Variants in FBN3 observed in about 807,000 individuals in gnomAD.
FBN3 encodes the protein fibrillin-3.
In FBN3, 234 loss-of-function variants were observed where a neutral mutation model predicts 330.1. The ratio of observed to expected loss-of-function variants is 0.71; its 90% CI spans 0.64 to 0.79. The LOEUF is 0.79. Ranked by LOEUF, FBN3 falls within the 30% of genes least tolerant of loss-of-function variation. The pLI, the probability that FBN3 is intolerant of heterozygous loss-of-function variation, is 0.00. For synonymous variants in FBN3, 1,458 were observed against 1,517.3 expected (o/e 0.96, Z 0.91); for missense variants, 3,606 against 3,886.9 (o/e 0.93, Z 1.92).
chr19:8,109,280 G>A lies in FBN3; in HGVS notation c.4565C>T (p.Ser1522Phe). 6.2e-7 allele frequency: 1 copy of A among 1,614,190 alleles called. No homozygotes were observed. Among genetic ancestry groups the A allele is most frequent in the Non-Finnish European group, 8.5e-7 (1 of 1,180,032 alleles). ...VGVTRASCCC[S>F]LGRAWGNPCE... ...GGGATTGCCCCAAGCCCGGCCCAGG[G>A]AGCAACAGCAGGAAGCTCGGGTGAC... is the stretch of plus-strand genomic sequence containing the variant. Residue 1522 changes from serine (S) to phenylalanine (F), a missense_variant, in exon 36 of 64, where the codon TCC becomes TTC. Physicochemically the swap from Ser to Phe is radical, Grantham distance 155. Coordinates refer to ENST00000600128, the MANE Select transcript of FBN3 (RefSeq NM_032447.5). This position sits in a 1 kb window ranked among gnomAD's most constrained non-coding sequence, Gnocchi z 5.2.
At chr19:8,120,708 C>T (rs1266266274) in intron 25 of FBN3, among the ~76,000 whole-genome samples, 1 of 152,140 alleles carries the variant, frequency 6.6e-6, no homozygotes, top group Non-Finnish European at 1.5e-5. Flanking sequence ...AACTCCTGGA[C>T]TCAAGCAATC....
chr19:8,130,621 A>G (rs367992620), intron 16 of FBN3, among the ~76,000 whole-genome samples: 177 of 12,644 alleles, frequency 0.014, 14 homozygotes, highest in Middle Eastern at 0.05. Flanking sequence ...AGAAAGAAAG[A>G]AAGAAAGAAA....
intron 63 of FBN3, among the ~76,000 whole-genome samples, chr19:8,068,701 C>CAAATAAATAAATAAATAAATAAAT (rs1555721997): frequency 6.3e-5 from 8 of 127,954 alleles, no homozygotes; most frequent in African/African-American, 2.2e-4. Flanking sequence ...GACCTTGTCT[C>CAAATAAATAAATAAATAAATAAAT]AAATAAATAA....
chr19:8,133,029 A>G lies in FBN3; in HGVS notation c.1669T>C (p.Cys557Arg). 6.3e-7 allele frequency: 1 copy of G among 1,584,486 alleles called. No individual in the cohort carries two copies. ...LNEDGSFSCL[C>R]KPGFLLAPGG... is the part of the protein sequence containing the mutation. ...GGCGCCAGCAGGAAGCCGGGTTTGC[A>G]GAGGCAGGAGAAGCTGCCATCCTCG... is the stretch of plus-strand genomic sequence containing the variant. The change falls in exon 14 of 64, where the codon TGC (cysteine) becomes CGC (arginine). Residue 557 changes from cysteine (C) to arginine (R), a missense_variant. Transcript: ENST00000600128.
At chr19:8,092,629 C>T (rs1022728498) in intron 47 of FBN3, among the ~76,000 whole-genome samples, 5 of 135,658 alleles carry the variant, frequency 3.7e-5, no homozygotes, top group East Asian at 2.4e-4. Flanking sequence ...GCAGGAGAAT[C>T]GCTTGAACCC....
chr19:8,126,284 G>A lies in FBN3; in HGVS notation c.2605+13C>T. 2 of 1,583,942 alleles carry A rather than the reference G, an allele frequency of 1.3e-6. No individual in the cohort carries two copies. The highest frequency in any genetic ancestry group is 1.7e-6 in the Non-Finnish European group (2 of 1,166,880). ...TGGAGTAGGGGGTGAGCTGGACACGGGCAGGCAGTTACCATCGCAGGTGAC... is the reference window on the plus strand; with the variant it reads ...TGGAGTAGGGGGTGAGCTGGACACGAGCAGGCAGTTACCATCGCAGGTGAC... On this transcript the variant is annotated intron_variant, in intron 21 of 63. Transcript: ENST00000600128.
intron 61 of FBN3, among the ~76,000 whole-genome samples, chr19:8,073,511 C>T (rs1003007512): frequency 1.3e-5 from 2 of 152,216 alleles, no homozygotes; most frequent in Non-Finnish European, 2.9e-5. Context: ...TCTCTCAACA[C>T]TTCCCCTAAA....
In FBN3 at chr19:8,129,404, A is replaced by T; in HGVS notation, c.2045-39T>A. 1 of 1,609,352 alleles carries T rather than the reference A, an allele frequency of 6.2e-7. No homozygotes were observed. The highest frequency in any genetic ancestry group is 8.5e-7 in the Non-Finnish European group (1 of 1,177,586). ...AGGGTGTGTCAGCAGCAGCAGAAGG[A>T]GGGTGTGTCCGAGGCAGGAGGAGGG... On this transcript the variant is annotated intron_variant, in intron 16 of 63. Transcript: ENST00000600128. This position sits in a 1 kb window ranked among gnomAD's most constrained non-coding sequence, Gnocchi z 4.5.
rs762896161 is a variant in FBN3, at chr19:8,065,819, G to C, written c.*100C>G. 1.2e-5 allele frequency: 12 copies of C among 996,902 alleles called. No homozygotes were observed. In the Admixed American group the frequency reaches 1.6e-4, roughly 13 times the overall value. 61.8% of individuals were successfully genotyped at this position (996,902 alleles called of 1,614,324 possible). A position where few individuals can be genotyped will look rare whatever the true frequency, so the allele number is the denominator to read the frequency against. On this transcript the variant is annotated 3_prime_UTR_variant, in exon 64 of 64. Coordinates refer to ENST00000600128, the MANE Select transcript of FBN3 (RefSeq NM_032447.5). ...TAGCATTTCACTCTTCCTGAGTTTC[G>C]GGGTTCAATCTGGTCAGCCATCGCT... is the stretch of plus-strand genomic sequence containing the variant.
At position 8,117,165 on chromosome 19, in the gene FBN3, C is replaced by T; in HGVS notation, c.3586+4G>A. 1 of 1,614,004 alleles carries T rather than the reference C, an allele frequency of 6.2e-7. No individual in the cohort carries two copies. Among genetic ancestry groups the T allele is most frequent in the Non-Finnish European group, 8.5e-7 (1 of 1,179,946 alleles). ...GGCAGTGGGAAGAAGTTGTGCCCAC[C>T]TACCTGCACATGCCCTTCCGTCGGG... is the stretch of plus-strand genomic sequence containing the variant. On this transcript the variant is annotated splice_donor_region_variant and intron_variant, in intron 28 of 63. Coordinates refer to ENST00000600128, the MANE Select transcript of FBN3 (RefSeq NM_032447.5).
chr19:8,073,128 G>A lies in FBN3; in HGVS notation c.7872C>T (p.Ser2624=). ...GGAAGCCACCAGGCGTGTTGGCACA[G>A]CTGTAGCTACAGGGGCCACGCCGTC... ...CAGRRGPCSY[S]CANTPGGFLC... Residue 2624 remains serine, a synonymous_variant, in exon 62 of 64, where the codon AGC becomes AGT. Transcript: ENST00000600128. 2 of 1,613,930 alleles carry A rather than the reference G, an allele frequency of 1.2e-6. No individual in the cohort carries two copies. The highest frequency in any genetic ancestry group is 8.5e-7 in the Non-Finnish European group (1 of 1,179,966).
Position 8,123,516 on chromosome 19 carries a change from G to A in FBN3, c.3030C>T (p.His1010=), listed in dbSNP as rs889390117. The A allele has an allele frequency of 6.2e-7, 1 of 1,614,072 alleles. No homozygotes were observed. Among genetic ancestry groups the A allele is most frequent in the Non-Finnish European group, 8.5e-7 (1 of 1,180,036 alleles). The change falls in exon 24 of 64, where the codon CAC becomes CAT. Residue 1010 remains histidine (H), a synonymous_variant. Transcript: ENST00000600128. ...GGGCGAAGCCCCCCGCACAGGCGCA[G>A]TGGAAGCTGCCCACCGTGTTTCTGC... ...GTCRNTVGSF[H]CACAGGFALD...
rs966040978 is a variant in FBN3, at chr19:8,117,043, C to A, written c.3586+126G>T. Reference sequence around the variant, plus strand: ...CCTGGGGCCAGGACCACAGGCCAGGCAGGGGGTGCCTCGGGTCTGGCTGGC... The same window carrying A: ...CCTGGGGCCAGGACCACAGGCCAGGAAGGGGGTGCCTCGGGTCTGGCTGGC... On this transcript the variant is annotated intron_variant, in intron 28 of 63. Transcript: ENST00000600128. 7.0e-6 allele frequency: 10 copies of A among 1,429,310 alleles called. No homozygotes were observed. In the South Asian group the frequency reaches 1.4e-4, roughly 20 times the overall value. 88.5% of individuals were successfully genotyped at this position (1,429,310 alleles called of 1,614,324 possible).
chr19:8,145,536 T>C (rs1226561029), intron 5 of FBN3, among the ~76,000 whole-genome samples: 1 of 148,326 alleles, frequency 6.7e-6, no homozygotes, highest in Non-Finnish European at 1.5e-5. Context: ...AAAAAATTAG[T>C]CAGGCAAGGT....
intron 13 of FBN3, among the ~76,000 whole-genome samples, chr19:8,134,121 G>C (rs2083221580): frequency 6.6e-6 from 1 of 151,494 alleles, no homozygotes; most frequent in Non-Finnish European, 1.5e-5. Context: ...GGGTGCCTGT[G>C]GTCCCAGTTA....
Position 8,136,425 on chromosome 19 carries a change from G to A in FBN3, c.1308C>T (p.Asn436=), listed in dbSNP as rs773770058. 1.7e-5 allele frequency: 28 copies of A among 1,614,058 alleles called. No homozygotes were observed. The highest frequency in any genetic ancestry group is 1.3e-4 in the East Asian group (6 of 44,894). The change falls in exon 11 of 64, where the codon AAC becomes AAT. Residue 436 remains asparagine (N), a synonymous_variant. Coordinates refer to ENST00000600128, the MANE Select transcript of FBN3 (RefSeq NM_032447.5). The part of the protein sequence containing the change: ...PTPSSYRCEC[N]VGYTQDVRGE... ...CGCGCACGTCCTGGGTGTAGCCCAC[G>A]TTACACTCGCAGCGGTAGCTGGAAG...
At chr19:8,133,643 G>C (rs1038321170) in intron 13 of FBN3, among the ~76,000 whole-genome samples, 1 of 151,848 alleles carries the variant, frequency 6.6e-6, no homozygotes, top group Non-Finnish European at 1.5e-5. Context: ...TAGTAGAGAC[G>C]GGGTTTCACC....
At chr19:8,105,965 A>T in intron 38 of FBN3, 143 bp downstream of exon 38, 1 of 917,612 alleles carries the variant, frequency 1.1e-6, no homozygotes, top group Non-Finnish European at 1.6e-6. Flanking sequence ...GAGAGAACTG[A>T]CAGATCATGA....
At chr19:8,119,869 G>A (rs2082799766) in intron 25 of FBN3, among the ~76,000 whole-genome samples, 1 of 135,772 alleles carries the variant, frequency 7.4e-6, no homozygotes, top group African/African-American at 2.8e-5. Context: ...TACCCAGCCT[G>A]GAGTGCAGTG....
Sources: allele counts gnomAD v4.1 joint callset (sites outside exome capture counted in the v4.1 genomes callset), GRCh38; gene constraint gnomAD v4.1.1; non-coding constraint Gnocchi (gnomAD v3.1); transcripts MANE v1.5; gene names NCBI Gene and HGNC (gene_info 2026-07-23, HGNC 2026-07-21).